TENM2: variants seen among roughly 807,000 people sequenced by gnomAD.
TENM2 encodes teneurin-2.
A neutral mutation model predicts 245.2 loss-of-function variants in TENM2; 52 were observed. The observed-to-expected ratio is 0.21, with a 90% CI of 0.17 to 0.27. The LOEUF is 0.27. Among genes scored for constraint, TENM2 ranks in the 10% least tolerant of loss-of-function variants. The pLI, the probability that TENM2 is intolerant of heterozygous loss-of-function variation, is 1.00. For synonymous variants in TENM2, 1,363 were observed against 1,438.9 expected (o/e 0.95, Z 1.19); for missense variants, 3,046 against 3,666.8 (o/e 0.83, Z 4.37).
At chr5:168,227,777 C>A in intron 24 of TENM2, 118 bp from the exon 27 acceptor site, 1 of 644,796 alleles carries the variant, frequency 1.6e-6, no homozygotes, top group Non-Finnish European at 2.7e-6. Context: ...CAGCCTTCGA[C>A]TAATGGCTGC....
At chr5:167,719,586 G>A (rs1322283600) in intron 2 of TENM2, among the ~76,000 whole-genome samples, 1 of 152,254 alleles carries the variant, frequency 6.6e-6, no homozygotes, top group Admixed American at 6.5e-5. Flanking sequence ...AGCTGTGGAA[G>A]AAGTTCGAGT....
chr5:166,979,194 C>CAGCAGCAGCAGCAGCAGCAGCAG, the TENM2 span, among the ~76,000 whole-genome samples: 25 of 142,042 alleles, frequency 1.8e-4, no homozygotes, highest in African/African-American at 3.6e-4. Context: ...AGCACCACCA[C>CAGCAGCAGCAGCAGCAGCAGCAG]CAGCAGCAGC....
chr5:168,195,419 C>G, intron 15 of TENM2, 124 bp downstream of exon 17: 1 of 1,134,440 alleles, frequency 8.8e-7, no homozygotes, highest in Non-Finnish European at 1.2e-6. Context: ...CCAGGCCTGT[C>G]CCCTAGTGAG....
intron 1 of TENM2, among the ~76,000 whole-genome samples, chr5:167,297,306 A>G (rs1168764521): frequency 6.6e-6 from 1 of 152,164 alleles, no homozygotes; most frequent in African/African-American, 2.4e-5. Flanking sequence ...CTATCGAGTA[A>G]TCATTTGCTG....
intron 25 of TENM2, chr5:168,230,930 A>T (rs1003130241): frequency 6.6e-6 from 1 of 152,208 alleles, no homozygotes. Flanking sequence ...TAACAAATTA[A>T]CCCTGAAATC....
At chr5:167,279,236 C>G in the TENM2 span, among the ~76,000 whole-genome samples, 2 of 152,122 alleles carry the variant, frequency 1.3e-5, no homozygotes, top group African/African-American at 2.4e-5. Flanking sequence ...AGAAGTTTGA[C>G]TATGGATGCA....
intron 2 of TENM2, among the ~76,000 whole-genome samples, chr5:167,482,062 T>C (rs1767788687): frequency 6.6e-6 from 1 of 152,214 alleles, no homozygotes; most frequent in East Asian, 1.9e-4. Flanking sequence ...GCTATAGAGT[T>C]ATCTTTCAAA....
At chr5:167,972,902 C>G (rs1310332091) in intron 4 of TENM2, among the ~76,000 whole-genome samples, 1 of 152,164 alleles carries the variant, frequency 6.6e-6, no homozygotes, top group African/African-American at 2.4e-5. Context: ...AAATCTGACT[C>G]TCTCACTCCC....
At chr5:168,168,650 C>T (rs1405983982) in intron 13 of TENM2, among the ~76,000 whole-genome samples, 2 of 149,068 alleles carry the variant, frequency 1.3e-5, no homozygotes, top group Non-Finnish European at 3.0e-5. Flanking sequence ...CTATTACACT[C>T]CAGCCTGGGC....
At chr5:167,962,712 G>C (rs995000790) in intron 4 of TENM2, among the ~76,000 whole-genome samples, 17 of 152,108 alleles carry the variant, frequency 1.1e-4, no homozygotes, top group Non-Finnish European at 2.2e-4. Flanking sequence ...AGCATCAACT[G>C]CTGAGCAAAA....
At chr5:167,899,720 A>T (rs760033508) in intron 3 of TENM2, among the ~76,000 whole-genome samples, 3 of 152,162 alleles carry the variant, frequency 2.0e-5, no homozygotes, top group Non-Finnish European at 2.9e-5. Context: ...ATCTCTGTCC[A>T]TGTGGATGAA....
At chr5:167,795,910 C>T (rs1252206905) in intron 2 of TENM2, among the ~76,000 whole-genome samples, 1 of 152,138 alleles carries the variant, frequency 6.6e-6, no homozygotes, top group Non-Finnish European at 1.5e-5. Context: ...AATAAGATGT[C>T]AAATGGTGGA....
At chr5:167,198,865 G>A in the TENM2 span, among the ~76,000 whole-genome samples, 6 of 151,880 alleles carry the variant, frequency 4.0e-5, no homozygotes, top group African/African-American at 1.5e-4. Context: ...GAGAAAGGGG[G>A]GATCGATTTC....
intron 2 of TENM2, among the ~76,000 whole-genome samples, chr5:167,425,456 A>G (rs1763756028): frequency 6.6e-6 from 1 of 152,172 alleles, no homozygotes; most frequent in Non-Finnish European, 1.5e-5. Flanking sequence ...GTGAGGGCTT[A>G]CTATGTGCCA....
chr5:167,569,319 C>T (rs767617222), intron 2 of TENM2, among the ~76,000 whole-genome samples: 3 of 151,746 alleles, frequency 2.0e-5, no homozygotes, highest in African/African-American at 4.8e-5. Context: ...AAATATTTAC[C>T]GAATAAGCAA....
intron 2 of TENM2, among the ~76,000 whole-genome samples, chr5:167,528,865 T>G (rs1338097700): frequency 6.6e-6 from 1 of 152,182 alleles, no homozygotes; most frequent in Non-Finnish European, 1.5e-5. Flanking sequence ...AGCCCCCTGT[T>G]GGTGGTCCTT....
the TENM2 span, among the ~76,000 whole-genome samples, chr5:167,182,166 A>T: frequency 1.1e-4 from 17 of 152,280 alleles, no homozygotes; most frequent in African/African-American, 4.1e-4. Context: ...GGATGCTTGG[A>T]TGGAAAATAG....
At chr5:167,915,385 G>A (rs1776859814) in intron 3 of TENM2, among the ~76,000 whole-genome samples, 1 of 152,162 alleles carries the variant, frequency 6.6e-6, no homozygotes. Context: ...TCCCAACTGA[G>A]CTTTCATGTA....
At chr5:168,094,096 A>G (rs565876647) in intron 8 of TENM2, among the ~76,000 whole-genome samples, 9 of 147,066 alleles carry the variant, frequency 6.1e-5, no homozygotes, top group South Asian at 2.2e-4. Flanking sequence ...AAGCATTGAG[A>G]ATACCTCGAT....
Sources: gnomAD v4.1 joint callset for allele counts (sites outside exome capture counted in the v4.1 genomes callset) on GRCh38, gnomAD v4.1.1 for gene constraint, MANE v1.5 for transcripts, NCBI Gene and HGNC (gene_info 2026-07-23, HGNC 2026-07-21) for gene names.